Variants in DTNA observed in about 807,000 individuals in gnomAD.
DTNA encodes dystrobrevin alpha.
DTNA carries 43 observed loss-of-function variants against 100.7 expected under a neutral mutation model. The ratio of observed to expected loss-of-function variants is 0.43; its 90% CI spans 0.33 to 0.55. DTNA has a LOEUF of 0.55. Ranked by LOEUF, DTNA falls within the 20% of genes least tolerant of loss-of-function variation. The pLI is 0.04. For missense variants in DTNA, 798 were observed against 953.9 expected, an observed-to-expected ratio of 0.84 and a Z score of 2.15; for synonymous variants, 349 against 347.9, an observed-to-expected ratio of 1.00 and a Z score of -0.04.
chr18:34,825,223 A>G (rs535318166), intron 9 of DTNA: 1 of 1,612,832 alleles, frequency 6.2e-7, no homozygotes, highest in South Asian at 1.1e-5. Context: ...AAATATTACC[A>G]TGATTAACGG....
intron 22 of DTNA, among the ~76,000 whole-genome samples, chr18:34,886,640 A>G (rs2096924341): frequency 6.6e-6 from 1 of 152,216 alleles, no homozygotes; most frequent in Non-Finnish European, 1.5e-5. Flanking sequence ...GTACTCTAGA[A>G]GTTCCTAGGC....
intron 1 of DTNA, chr18:34,593,570 C>T (rs936952145): frequency 4.6e-5 from 7 of 152,134 alleles, no homozygotes; most frequent in African/African-American, 1.4e-4. Flanking sequence ...TAAAGTGCAT[C>T]GCTTTTCTGG....
At chr18:34,640,150 C>T (rs2059118171) in intron 1 of DTNA, among the ~76,000 whole-genome samples, 1 of 152,162 alleles carries the variant, frequency 6.6e-6, no homozygotes, top group South Asian at 2.1e-4. Flanking sequence ...GATGATAATG[C>T]TTTTTATATT....
intron 1 of DTNA, among the ~76,000 whole-genome samples, chr18:34,686,677 CTT>C (rs2145699474): frequency 6.6e-6 from 1 of 152,190 alleles, no homozygotes; most frequent in South Asian, 2.1e-4. Flanking sequence ...TGGAGTCCCT[CTT>C]TTTCTTTTGT....
chr18:34,635,069 A>G (rs997276093), intron 1 of DTNA, among the ~76,000 whole-genome samples: 2 of 151,980 alleles, frequency 1.3e-5, no homozygotes, highest in Non-Finnish European at 2.9e-5. Flanking sequence ...TCTATTCTAC[A>G]TTTCTGTGAA....
intron 1 of DTNA, among the ~76,000 whole-genome samples, chr18:34,570,299 G>A (rs1235695585): frequency 1.3e-5 from 2 of 152,304 alleles, no homozygotes; most frequent in South Asian, 2.1e-4. Flanking sequence ...ATGGATAAAT[G>A]AGGTAATAAG....
chr18:34,832,294 A>G (rs2096031280), intron 11 of DTNA, among the ~76,000 whole-genome samples: 1 of 152,222 alleles, frequency 6.6e-6, no homozygotes, highest in Admixed American at 6.5e-5. Context: ...AGTTGAAATA[A>G]TCACTCTCTG....
At chr18:34,794,764 G>A (rs1177255466) in intron 4 of DTNA, among the ~76,000 whole-genome samples, 4 of 152,156 alleles carry the variant, frequency 2.6e-5, no homozygotes, top group East Asian at 3.9e-4. Context: ...TAAAATAAGG[G>A]GATGCTGTCC....
chr18:34,818,093 A>G lies in DTNA; in HGVS notation c.710-71A>G, dbSNP rs1013349217. 1.1e-4 allele frequency: 182 copies of G among 1,612,146 alleles called. 1 individual carries two copies. The highest frequency in any genetic ancestry group is 2.5e-5 in the Non-Finnish European group (30 of 1,179,410). On this transcript the variant is annotated intron_variant, in intron 7 of 22. Transcript: ENST00000444659. ...AGAGAAGAAAGGTGCAATTCCTGTA[A>G]GGCTGTATTTTTCCTTCTTCTGGTT...
chr18:34,620,536 G>A (rs911626241), intron 1 of DTNA, among the ~76,000 whole-genome samples: 1 of 152,138 alleles, frequency 6.6e-6, no homozygotes. Context: ...ATGTATAAAG[G>A]AAATATCTTT....
intron 11 of DTNA, among the ~76,000 whole-genome samples, chr18:34,836,078 A>C (rs998167434): frequency 5.9e-5 from 9 of 152,346 alleles, no homozygotes; most frequent in Admixed American, 5.9e-4. Context: ...GATATTGGGC[A>C]GCAGGGGTAC....
In DTNA at chr18:34,786,256, A is replaced by G. The variant is rs915412957; in HGVS notation, c.149-7781A>G. Among the ~76,000 whole-genome samples, 3 of 152,330 alleles carry G rather than the reference A, an allele frequency of 2.0e-5. No homozygotes were observed. In the East Asian group the frequency reaches 5.8e-4, roughly 29 times the overall value. On this transcript the variant is annotated intron_variant, in intron 3 of 22. Coordinates refer to ENST00000444659, the MANE Select transcript of DTNA (RefSeq NM_001386795.1). ...GAGTCTCCATAATTAACTTTTCTAC[A>G]AGCTAGCAAATGTATTTTAAGAATC...
At chr18:34,495,403 G>A (rs2039080880) in intron 1 of DTNA, among the ~76,000 whole-genome samples, 1 of 152,192 alleles carries the variant, frequency 6.6e-6, no homozygotes, top group Non-Finnish European at 1.5e-5. Context: ...CAGCCGTTAA[G>A]ATGTATCAGC....
intron 1 of DTNA, among the ~76,000 whole-genome samples, chr18:34,551,532 G>A (rs1183039875): frequency 6.6e-6 from 1 of 151,952 alleles, no homozygotes; most frequent in African/African-American, 2.4e-5. Context: ...TGCTTCTCCA[G>A]TGCCCAATCT....
intron 1 of DTNA, among the ~76,000 whole-genome samples, chr18:34,697,656 G>T (rs1250525018): frequency 2.0e-5 from 3 of 152,190 alleles, no homozygotes; most frequent in Non-Finnish European, 4.4e-5. Flanking sequence ...AGGCCTAATT[G>T]TGCACCGGGG....
chr18:34,702,321 A>G (rs1445248024), intron 1 of DTNA, among the ~76,000 whole-genome samples: 3 of 152,194 alleles, frequency 2.0e-5, no homozygotes, highest in Non-Finnish European at 4.4e-5. Context: ...AGACTAAATT[A>G]TCACGTGAAG....
At chr18:34,724,681 C>CA (rs2086181015) in intron 1 of DTNA, among the ~76,000 whole-genome samples, 1 of 152,160 alleles carries the variant, frequency 6.6e-6, no homozygotes, top group Non-Finnish European at 1.5e-5. Flanking sequence ...GTGAAGACAA[C>CA]ACCAAGCCAT....
chr18:34,668,846 C>CTA (rs1568170968), intron 1 of DTNA, among the ~76,000 whole-genome samples: 2 of 152,032 alleles, frequency 1.3e-5, no homozygotes. Context: ...TTACTTCCAA[C>CTA]TATGTGGTCA....
intron 13 of DTNA, among the ~76,000 whole-genome samples, chr18:34,847,864 A>G (rs1188489826): frequency 6.6e-6 from 1 of 152,260 alleles, no homozygotes; most frequent in Non-Finnish European, 1.5e-5. Context: ...TGAGAATGTA[A>G]TACCAGCAGG....
Sources: allele counts gnomAD v4.1 joint callset (sites outside exome capture counted in the v4.1 genomes callset), GRCh38; gene constraint gnomAD v4.1.1; transcripts MANE v1.5; gene names NCBI Gene and HGNC (gene_info 2026-07-23, HGNC 2026-07-21).